TBC1D16: variants seen among roughly 807,000 people sequenced by gnomAD.
The protein encoded by TBC1D16 is TBC1 domain family member 16, also known as CTD-2529O21.1.
TBC1D16 carries 58 observed loss-of-function variants against 74.7 expected under a neutral mutation model. The ratio of observed to expected loss-of-function variants is 0.78; its 90% CI spans 0.63 to 0.97. The LOEUF (loss-of-function observed/expected upper bound fraction) is 0.97. Ranked by LOEUF, TBC1D16 falls within the 50% of genes least tolerant of loss-of-function variation. TBC1D16 has a pLI of 0.00. For synonymous variants in TBC1D16, 493 were observed against 474.7 expected, an observed-to-expected ratio of 1.04 and a Z score of -0.50; for missense variants, 1,014 against 1,079.5, an observed-to-expected ratio of 0.94 and a Z score of 0.85.
At position 79,936,685 on chromosome 17, in the gene TBC1D16, G is replaced by A. The variant is rs1477676743; in HGVS notation, c.*4174C>T. 2 of 152,292 alleles carry A rather than the reference G, an allele frequency of 1.3e-5. No individual in the cohort carries two copies. Among genetic ancestry groups the A allele is most frequent in the Non-Finnish European group, 2.9e-5 (2 of 68,160 alleles). The allele number at this position is 152,292 out of a possible 1,614,324, so 9.4% of individuals were successfully genotyped here. On this transcript the variant is annotated 3_prime_UTR_variant, in exon 12 of 12. Transcript: ENST00000310924. ...GGGGAAATTAGCTTTCTAGTTTGGG[G>A]GCGGTTCCCTCTGACTGGAGACAGG...
chr17:79,991,717 G>A, intron 3 of TBC1D16, among the ~76,000 whole-genome samples: 1 of 147,148 alleles, frequency 6.8e-6, no homozygotes, highest in South Asian at 2.2e-4. Flanking sequence ...GCGGGGCGGG[G>A]CGGGGAGGGG....
chr17:80,027,784 T>G (rs373619445), intron 1 of TBC1D16, among the ~76,000 whole-genome samples: 56 of 148,624 alleles, frequency 3.8e-4, no homozygotes, highest in African/African-American at 1.4e-3. Flanking sequence ...CCCAGCTACT[T>G]GGGAGGCTGA....
rs1010035391 is a variant in TBC1D16, at chr17:79,956,630, C to T, written c.780-3812G>A. ...GGATCACTGACACACGCAGGACAAG[C>T]CAGCTCTCAGAAAAAGCTTGAAGGG... On this transcript the variant is annotated intron_variant, in intron 3 of 11. Transcript: ENST00000310924. The surrounding 1 kb of genome is among the most constrained non-coding windows in gnomAD (Gnocchi z 4.0). Among the ~76,000 whole-genome samples the T allele has an allele frequency of 6.6e-6, 1 of 152,134 alleles. No homozygotes were observed. Among genetic ancestry groups the T allele is most frequent in the African/African-American group, 2.4e-5 (1 of 41,422 alleles).
At position 79,950,619 on chromosome 17, in the gene TBC1D16, C is replaced by T. The variant is rs1177904774; in HGVS notation, c.1090-41G>A. 6.3e-7 allele frequency: 1 copy of T among 1,596,838 alleles called. No individual in the cohort carries two copies. The highest frequency in any genetic ancestry group is 8.5e-7 in the Non-Finnish European group (1 of 1,171,954). ...ACTGGGCAAAGGTCAGGATCTCAGC[C>T]GCGCGGCTTCAGAGGCCAGCAGTGC... On this transcript the variant is annotated intron_variant, in intron 5 of 11. Transcript: ENST00000310924. The surrounding 1 kb of genome is among the most constrained non-coding windows in gnomAD (Gnocchi z 4.6).
chr17:80,031,819 T>C (rs1240531271), intron 1 of TBC1D16, among the ~76,000 whole-genome samples: 1 of 152,188 alleles, frequency 6.6e-6, no homozygotes, highest in African/African-American at 2.4e-5. Context: ...AAAACTGCCC[T>C]GAGTCTGGCT....
rs1486701563 is a variant in TBC1D16 at position 79,971,529 on chromosome 17, TAC to T, written c.780-18713_780-18712del. Among the ~76,000 whole-genome samples the T allele has an allele frequency of 6.6e-6, 1 of 152,228 alleles. No homozygotes were observed. The highest frequency in any genetic ancestry group is 1.5e-5 in the Non-Finnish European group (1 of 68,038). On this transcript the variant is annotated intron_variant, in intron 3 of 11. Coordinates refer to ENST00000310924, the MANE Select transcript of TBC1D16 (RefSeq NM_019020.4). This position sits in a 1 kb window ranked among gnomAD's most constrained non-coding sequence, Gnocchi z 4.6. ...TCTTCCAAAGTTCGTTCTGCAGGTTTACACACACTTGAAGGTATCTTCCCATG... is the reference window on the plus strand; with the variant it reads ...TCTTCCAAAGTTCGTTCTGCAGGTTTACACACTTGAAGGTATCTTCCCATG...
At position 79,990,909 on chromosome 17, in the gene TBC1D16, G is replaced by C. The variant is rs751094425; in HGVS notation, c.779+19251C>G. Among the ~76,000 whole-genome samples the C allele has an allele frequency of 2.6e-5, 4 of 152,230 alleles. No homozygotes were observed. Among genetic ancestry groups the C allele is most frequent in the South Asian group, 4.1e-4 (2 of 4,836 alleles). On this transcript the variant is annotated intron_variant, in intron 3 of 11. Coordinates refer to ENST00000310924, the MANE Select transcript of TBC1D16 (RefSeq NM_019020.4). The surrounding 1 kb of genome is among the most constrained non-coding windows in gnomAD (Gnocchi z 4.8). Reference sequence around the variant, plus strand: ...TCAACTCATCCGTGTTGCGGCGCGTGTCAGAATTGCCTTCCCAAGGCTGAA... The same window carrying C: ...TCAACTCATCCGTGTTGCGGCGCGTCTCAGAATTGCCTTCCCAAGGCTGAA...
intron 3 of TBC1D16, among the ~76,000 whole-genome samples, chr17:79,967,101 C>A (rs115085700): frequency 0.01 from 1,585 of 152,210 alleles, 25 homozygotes; most frequent in African/African-American, 0.036. Context: ...ATAAAAAAAA[C>A]CCCACAAATT....
rs1197081142 is a variant in TBC1D16 at position 79,971,795 on chromosome 17, G to A, written c.780-18977C>T. On this transcript the variant is annotated intron_variant, in intron 3 of 11. Transcript: ENST00000310924. This position sits in a 1 kb window ranked among gnomAD's most constrained non-coding sequence, Gnocchi z 4.6. ...ACACCACTTGGACTGTGAGCTGCTG[G>A]GAGGTGTCAGACAGGAGCATCCCAC... Among the ~76,000 whole-genome samples, 1 of 152,096 alleles carries A rather than the reference G, an allele frequency of 6.6e-6. No homozygotes were observed. Among genetic ancestry groups the A allele is most frequent in the Non-Finnish European group, 1.5e-5 (1 of 68,002 alleles).
At chr17:80,021,243 C>T (rs533348369) in intron 1 of TBC1D16, among the ~76,000 whole-genome samples, 3 of 148,246 alleles carry the variant, frequency 2.0e-5, no homozygotes, top group Non-Finnish European at 4.4e-5. Flanking sequence ...AAGAGTGAAA[C>T]TCCATCTCAA....
At chr17:79,943,812 G>A (rs1483280951) in intron 10 of TBC1D16, 1 of 1,320,636 alleles carries the variant, frequency 7.6e-7, no homozygotes, top group East Asian at 3.3e-5. Context: ...GAGTTCACGG[G>A]TAACATCAGC....
chr17:79,956,163 C>T lies in TBC1D16; in HGVS notation c.780-3345G>A, dbSNP rs575376700. On this transcript the variant is annotated intron_variant, in intron 3 of 11. Coordinates refer to ENST00000310924, the MANE Select transcript of TBC1D16 (RefSeq NM_019020.4). This position sits in a 1 kb window ranked among gnomAD's most constrained non-coding sequence, Gnocchi z 4.0. ...CACCCAAGCCTCCTGGTGGCTGCAG[C>T]GACCTGAGTGAACTCCAGGGAGCCC... 3.3e-5 allele frequency among the ~76,000 whole-genome samples: 5 copies of T among 152,200 alleles called. No homozygotes were observed. The highest frequency in any genetic ancestry group is 9.6e-5 in the African/African-American group (4 of 41,460).
rs746450905 is a variant in TBC1D16 at position 79,960,779 on chromosome 17, C to CAAAAAAA, written c.780-7968_780-7962dup. Among the ~76,000 whole-genome samples the CAAAAAAA allele has an allele frequency of 1.1e-3, 39 of 33,950 alleles. 12 individuals are homozygous for CAAAAAAA. The highest frequency in any genetic ancestry group is 1.5e-3 in the Non-Finnish European group (27 of 18,150). 22.3% of individuals were successfully genotyped at this position (33,950 alleles called of 152,430 possible). Reference sequence around the variant, plus strand: ...CAAAAAAACCCAAAAAACAAAAACCCAAAAAAAAAAAAAAAAAAAAAAAAA... The same window carrying CAAAAAAA: ...CAAAAAAACCCAAAAAACAAAAACCCAAAAAAAAAAAAAAAAAAAAAAAAAAAAAAAA... On this transcript the variant is annotated intron_variant, in intron 3 of 11. Coordinates refer to ENST00000310924, the MANE Select transcript of TBC1D16 (RefSeq NM_019020.4).
intron 3 of TBC1D16, among the ~76,000 whole-genome samples, chr17:79,960,080 T>C (rs2033525562): frequency 6.6e-6 from 1 of 151,988 alleles, no homozygotes; most frequent in Admixed American, 6.5e-5. Flanking sequence ...AAAATTAATC[T>C]TCATTAAAAT....
chr17:80,026,616 G>A (rs942555885), intron 1 of TBC1D16, among the ~76,000 whole-genome samples: 3 of 149,810 alleles, frequency 2.0e-5, no homozygotes, highest in Non-Finnish European at 2.9e-5. Context: ...CAAAGACAAC[G>A]TTTGGTTCCT....
At position 79,941,585 on chromosome 17, in the gene TBC1D16, A is replaced by G. The variant is rs1320485733; in HGVS notation, c.2055+475T>C. Among the ~76,000 whole-genome samples the G allele has an allele frequency of 6.6e-6, 1 of 152,052 alleles. No homozygotes were observed. The highest frequency in any genetic ancestry group is 1.5e-5 in the Non-Finnish European group (1 of 67,990). On this transcript the variant is annotated intron_variant, in intron 11 of 11. Transcript: ENST00000310924. The surrounding 1 kb of genome is among the most constrained non-coding windows in gnomAD (Gnocchi z 4.3). ...GGGACCCCCGCTCAGTGCCCTGAGG[A>G]CCACCAGAGAGCTAACGGGCAGCAT...
Position 79,944,009 on chromosome 17 carries a change from T to C in TBC1D16, c.1908+899A>G, listed in dbSNP as rs923550209. On this transcript the variant is annotated intron_variant, in intron 10 of 11. Coordinates refer to ENST00000310924, the MANE Select transcript of TBC1D16 (RefSeq NM_019020.4). This position sits in a 1 kb window ranked among gnomAD's most constrained non-coding sequence, Gnocchi z 7.7. Reference sequence around the variant, plus strand: ...AGCAGGCTGAGCCAGGAGGGAAACCTAGACCCGGGCCAGGGGCGAGCCGAT... The same window carrying C: ...AGCAGGCTGAGCCAGGAGGGAAACCCAGACCCGGGCCAGGGGCGAGCCGAT... 2.0e-6 allele frequency: 3 copies of C among 1,533,464 alleles called. No individual in the cohort carries two copies. Among genetic ancestry groups the C allele is most frequent in the African/African-American group, 1.4e-5 (1 of 72,948 alleles). 95.0% of individuals were successfully genotyped at this position (1,533,464 alleles called of 1,614,324 possible). A position where few individuals can be genotyped will look rare whatever the true frequency, so the allele number is the denominator to read the frequency against.
At chr17:79,948,680 G>C (rs1261913472) in intron 8 of TBC1D16, among the ~76,000 whole-genome samples, 192 bp downstream of exon 8, 7 of 152,128 alleles carry the variant, frequency 4.6e-5, no homozygotes, top group African/African-American at 1.7e-4. Context: ...TGGCTTCCCT[G>C]GGATGCCATG....
At chr17:79,998,097 C>G (rs1256492590) in intron 3 of TBC1D16, among the ~76,000 whole-genome samples, 1 of 131,584 alleles carries the variant, frequency 7.6e-6, no homozygotes, top group Non-Finnish European at 1.5e-5. Context: ...TGCACTTCAG[C>G]TTGGGCACAA....
Sources: allele counts gnomAD v4.1 joint callset (sites outside exome capture counted in the v4.1 genomes callset), GRCh38; gene constraint gnomAD v4.1.1; non-coding constraint Gnocchi (gnomAD v3.1); transcripts MANE v1.5; gene names NCBI Gene and HGNC (gene_info 2026-07-23, HGNC 2026-07-21).